Variants in LITAF observed in about 807,000 individuals in gnomAD.
LITAF encodes the protein lipopolysaccharide-induced tumor necrosis factor-alpha factor.
Under a neutral mutation model 14.5 loss-of-function variants are expected in LITAF, and 9 were observed. The observed-to-expected ratio is 0.62, with a 90% confidence interval of 0.37 to 1.08. The LOEUF (loss-of-function observed/expected upper bound fraction) is 1.08. LITAF is among the 50% of genes least tolerant of loss of function. The pLI is 0.01. For missense variants in LITAF, 206 were observed against 213.4 expected (o/e 0.97, Z 0.22); for synonymous variants, 98 against 88.2 (o/e 1.11, Z -0.62).
chr16:11,551,591 CAGA>C (rs2064182348), intron 3 of LITAF: 1 of 496,956 alleles, frequency 2.0e-6, no homozygotes. Flanking sequence ...GAGGTCAAGG[CAGA>C]AGGACTGCTT....
At chr16:11,591,821 T>C (rs1171377572), upstream of LITAF, among the ~76,000 whole-genome samples, 2 of 152,088 alleles carry the variant, frequency 1.3e-5, no homozygotes, top group Non-Finnish European at 2.9e-5. Context: ...ACTCCTGACC[T>C]CAAGCGATCC....
chr16:11,575,499 G>T (rs1340819203), intron 1 of LITAF: 1 of 152,164 alleles, frequency 6.6e-6, no homozygotes, highest in Admixed American at 6.6e-5. Flanking sequence ...CCAGCGCCTG[G>T]GTTTATGGGG....
chr16:11,590,429 G>A (rs951146302), upstream of LITAF, among the ~76,000 whole-genome samples: 7 of 116,900 alleles, frequency 6.0e-5, 2 homozygotes, highest in Non-Finnish European at 8.5e-5. Context: ...AAAAGAAACC[G>A]TACTTCAAGT....
chr16:11,571,783 T>C (rs991392028), intron 1 of LITAF, among the ~76,000 whole-genome samples: 3 of 152,152 alleles, frequency 2.0e-5, no homozygotes, highest in African/African-American at 4.8e-5. Flanking sequence ...CTCGGCTGGC[T>C]CTTTTCCTGA....
At chr16:11,616,966 T>C in intron 3 of LITAF, among the ~76,000 whole-genome samples, 1 of 141,388 alleles carries the variant, frequency 7.1e-6, no homozygotes, top group East Asian at 2.4e-4. Flanking sequence ...ACATCTGTAA[T>C]CCCAACACTT....
chr16:11,623,263 A>G (rs1421489382), intron 3 of LITAF, among the ~76,000 whole-genome samples: 1 of 151,692 alleles, frequency 6.6e-6, no homozygotes, highest in Admixed American at 6.6e-5. Context: ...GCCCGGCCGA[A>G]TATATTTTTT....
intron 1 of LITAF, among the ~76,000 whole-genome samples, chr16:11,561,974 A>G (rs1218035854): frequency 1.3e-5 from 2 of 152,066 alleles, no homozygotes; most frequent in Non-Finnish European, 2.9e-5. Context: ...GCTGGAGTAC[A>G]GTGGCATGAT....
At chr16:11,622,236 G>A (rs752922970) in intron 3 of LITAF, among the ~76,000 whole-genome samples, 2 of 152,174 alleles carry the variant, frequency 1.3e-5, no homozygotes, top group Non-Finnish European at 2.9e-5. Flanking sequence ...GGAAGCATCT[G>A]GACCGCCTGG....
At chr16:11,570,098 A>C (rs919487149) in intron 1 of LITAF, among the ~76,000 whole-genome samples, 2 of 152,142 alleles carry the variant, frequency 1.3e-5, no homozygotes, top group African/African-American at 4.8e-5. Flanking sequence ...AGAAACTCTA[A>C]GACCCAGGCT....
At chr16:11,635,609 A>G (rs575325288) in intron 2 of LITAF, among the ~76,000 whole-genome samples, 1 of 152,272 alleles carries the variant, frequency 6.6e-6, no homozygotes, top group East Asian at 1.9e-4. Flanking sequence ...AGGAAATGAG[A>G]CCCTGGGCCG....
intron 3 of LITAF, among the ~76,000 whole-genome samples, chr16:11,551,385 A>G (rs1406893993): frequency 2.0e-5 from 3 of 152,182 alleles, no homozygotes; most frequent in Non-Finnish European, 2.9e-5. Flanking sequence ...ACAGATGGGG[A>G]AACTGAAGCA....
At chr16:11,610,114 C>T (rs1016316988) in intron 3 of LITAF, among the ~76,000 whole-genome samples, 15 of 152,336 alleles carry the variant, frequency 9.8e-5, no homozygotes, top group African/African-American at 3.4e-4. Context: ...CTGGGACTCA[C>T]CCTGCAAAAT....
chr16:11,550,205 T>G (rs1013560732), intron 3 of LITAF, among the ~76,000 whole-genome samples: 1 of 152,222 alleles, frequency 6.6e-6, no homozygotes, highest in Non-Finnish European at 1.5e-5. Flanking sequence ...TTCTCCTGCC[T>G]CAGCCTCCTG....
chr16:11,603,325 A>T (rs143413134), upstream of LITAF, among the ~76,000 whole-genome samples: 586 of 152,348 alleles, frequency 3.8e-3, 5 homozygotes, highest in African/African-American at 0.013. Flanking sequence ...CATCCCCAGG[A>T]TGGGGGCGGT....
At chr16:11,610,393 G>A (rs1200117423) in intron 3 of LITAF, among the ~76,000 whole-genome samples, 4 of 147,980 alleles carry the variant, frequency 2.7e-5, no homozygotes, top group Admixed American at 6.9e-5. Flanking sequence ...GGGAAAGGAC[G>A]TGGCGGTCGG....
intron 3 of LITAF, among the ~76,000 whole-genome samples, chr16:11,609,065 G>T (rs2064969009): frequency 6.6e-6 from 1 of 152,086 alleles, no homozygotes; most frequent in South Asian, 2.1e-4. Flanking sequence ...GCGGATTCAT[G>T]GTTTTAGGGC....
chr16:11,553,501 A>T lies in LITAF; in HGVS notation c.377+32T>A. On this transcript the variant is annotated intron_variant, in intron 3 of 3. Transcript: ENST00000622633. The surrounding 1 kb of genome is among the most constrained non-coding windows in gnomAD (Gnocchi z 7.7). ...GCCAGCACCCAGAGAGAAGGGCAGG[A>T]TGGCTTGGGGCCAAGTGGGAGGCAG... 1.9e-6 allele frequency: 3 copies of T among 1,613,024 alleles called. No individual in the cohort carries two copies. The highest frequency in any genetic ancestry group is 2.5e-6 in the Non-Finnish European group (3 of 1,179,690).
chr16:11,592,967 G>C (rs935279647), intron 1 of LITAF, among the ~76,000 whole-genome samples: 1 of 152,050 alleles, frequency 6.6e-6, no homozygotes, highest in Non-Finnish European at 1.5e-5. Context: ...TCAGGAGATC[G>C]AGACCATCCT....
At chr16:11,624,787 A>C (rs2065073415) in intron 3 of LITAF, among the ~76,000 whole-genome samples, 1 of 152,212 alleles carries the variant, frequency 6.6e-6, no homozygotes, top group South Asian at 2.1e-4. Flanking sequence ...GGTAGAGTCT[A>C]TTTCCTTACC....
Sources: allele counts gnomAD v4.1 joint callset (sites outside exome capture counted in the v4.1 genomes callset), GRCh38; gene constraint gnomAD v4.1.1; non-coding constraint Gnocchi (gnomAD v3.1); transcripts MANE v1.5; gene names NCBI Gene and HGNC (gene_info 2026-07-23, HGNC 2026-07-21).